The following LAMA5 variants were observed in gnomAD, a reference collection of about 807,000 sequenced individuals.
The protein encoded by LAMA5 is laminin subunit alpha-5.
A neutral mutation model predicts 433.4 loss-of-function variants in LAMA5; 260 were observed. That is an observed-to-expected ratio of 0.60 (90% CI 0.54 to 0.66). The LOEUF (loss-of-function observed/expected upper bound fraction) is 0.66, where lower values mean the gene tolerates loss of function less well. Ranked by LOEUF, LAMA5 falls within the 30% of genes least tolerant of loss-of-function variation. The pLI is 0.00. For missense variants in LAMA5, 5,378 were observed against 5,258.5 expected (o/e 1.02, Z -0.70); for synonymous variants, 2,620 against 2,226.6 (o/e 1.18, Z -4.97).
chr20:62,318,786 G>A lies in LAMA5; in HGVS notation c.7042+57C>T, dbSNP rs1236404874. The A allele has an allele frequency of 3.1e-6, 5 of 1,590,090 alleles. No homozygotes were observed. The African/African-American group carries it at 5.4e-5, about 17-fold the overall frequency. The stretch of plus-strand genomic sequence containing the variant: ...GCCACTCCATGCTGACCTCCCCCTT[G>A]GAGCTCCCAGGTCCCTGCCTCTCCC... On this transcript the variant is annotated intron_variant, in intron 52 of 79. Coordinates refer to ENST00000252999, the MANE Select transcript of LAMA5 (RefSeq NM_005560.6).
At chr20:62,321,713 C>CGG (rs1568918821) in intron 48 of LAMA5, among the ~76,000 whole-genome samples, 8 of 27,458 alleles carry the variant, frequency 2.9e-4, no homozygotes, top group African/African-American at 4.2e-4. Context: ...GCAGGGCCAG[C>CGG]AGAGGGGTGG....
At chr20:62,315,335 ACCC>A in intron 58 of LAMA5, 128 bp from the exon 59 acceptor site, 1 of 763,928 alleles carries the variant, frequency 1.3e-6, no homozygotes, top group Non-Finnish European at 2.1e-6. Flanking sequence ...AGACCCTCAC[ACCC>A]CGCTGCTCAG....
rs1232547940 is a variant in LAMA5, at chr20:62,362,529, C to T, written c.321G>A (p.Thr107=). 1.1e-5 allele frequency: 17 copies of T among 1,597,508 alleles called. No homozygotes were observed. Among genetic ancestry groups the T allele is most frequent in the South Asian group, 5.6e-5 (5 of 89,368 alleles). The change falls in exon 2 of 80, where the codon ACG becomes ACA. Residue 107 remains threonine (T), a synonymous_variant. Coordinates refer to ENST00000252999, the MANE Select transcript of LAMA5 (RefSeq NM_005560.6). Reference sequence around the variant, plus strand: ...GGTGTGCCTTGTTGCTGTTGGCAGCCGTGCAGATGTCACAGTACTGGCCCT... The same window carrying T: ...GGTGTGCCTTGTTGCTGTTGGCAGCTGTGCAGATGTCACAGTACTGGCCCT... The part of the protein sequence containing the change: ...TIRGQYCDIC[T]AANSNKAHPA...
chr20:62,350,169 CCCCGGCTCCCGCG>C (rs1984076595), intron 6 of LAMA5, among the ~76,000 whole-genome samples: 1 of 151,916 alleles, frequency 6.6e-6, no homozygotes, highest in Non-Finnish European at 1.5e-5. Flanking sequence ...CCAAGGCAAG[CCCCGGCTCCCGCG>C]CCCTTCCTCT....
At position 62,359,902 on chromosome 20, in the gene LAMA5, G is replaced by A. The variant is rs1985775219; in HGVS notation, c.450+2498C>T. On this transcript the variant is annotated intron_variant, in intron 2 of 79. Coordinates refer to ENST00000252999, the MANE Select transcript of LAMA5 (RefSeq NM_005560.6). The surrounding 1 kb of genome is among the most constrained non-coding windows in gnomAD (Gnocchi z 4.3). ...CACCCCGCCCTCCTCAGCCTTCCAG[G>A]AGCAGGAAGCCTTCCCGATGCCCAG... 6.6e-6 allele frequency among the ~76,000 whole-genome samples: 1 copy of A among 152,012 alleles called. No individual in the cohort carries two copies. The highest frequency in any genetic ancestry group is 6.5e-5 in the Admixed American group (1 of 15,284).
chr20:62,310,353 T>C (rs1601265734), intron 76 of LAMA5, 42 bp from the exon 77 acceptor site: 1 of 1,570,540 alleles, frequency 6.4e-7, no homozygotes. Flanking sequence ...GGGGGGCCCC[T>C]CCCCAGAACC....
rs1450969325 is a variant in LAMA5, at chr20:62,317,733, T to G, written c.7285A>C (p.Thr2429Pro). The part of the protein sequence containing the change: ...LSRDNATLQA[T>P]LHAARDTLAS... Reference sequence around the variant, plus strand: ...AGGGTGTCCCTAGCCGCATGCAGAGTGGCCTGCAGGGTGGCATTGTCCCGG... The same window carrying G: ...AGGGTGTCCCTAGCCGCATGCAGAGGGGCCTGCAGGGTGGCATTGTCCCGG... The change falls in exon 54 of 80, where the codon ACT becomes CCT. Residue 2429 changes from threonine (T) to proline (P), a missense_variant. Coordinates refer to ENST00000252999, the MANE Select transcript of LAMA5 (RefSeq NM_005560.6). 4.4e-6 allele frequency: 7 copies of G among 1,606,784 alleles called. No homozygotes were observed. The highest frequency in any genetic ancestry group is 5.1e-6 in the Non-Finnish European group (6 of 1,177,616).
rs138911913 is a variant in LAMA5 at position 62,323,835 on chromosome 20, C to T, written c.5790G>A (p.Leu1930=). ...AGAGGCACTGGGTGCGGCCGCCTCG[C>T]AGGACACAGCCCTCGGCGAAGCTGC... is the stretch of plus-strand genomic sequence containing the variant. The part of the protein sequence containing the change: ...PSNNFAEGCV[L]RGGRTQCLCK... Residue 1930 remains leucine (L), a synonymous_variant, in exon 44 of 80, where the codon CTG becomes CTA. Coordinates refer to ENST00000252999, the MANE Select transcript of LAMA5 (RefSeq NM_005560.6). 6,514 of 1,609,406 alleles carry T rather than the reference C, an allele frequency of 4.0e-3. 9 individuals are homozygous for T. The highest frequency in any genetic ancestry group is 5.0e-3 in the Non-Finnish European group (5,871 of 1,178,372).
Position 62,346,918 on chromosome 20 carries a change from C to T in LAMA5, c.1067G>A (p.Cys356Tyr). 2 of 1,612,902 alleles carry T rather than the reference C, an allele frequency of 1.2e-6. No individual in the cohort carries two copies. The highest frequency in any genetic ancestry group is 1.7e-6 in the Non-Finnish European group (2 of 1,179,850). ...KPATANSANE[C>Y]QSCNCYGHAT... ...GTGTGGGAGGAGGCACTCACACTGG[C>T]ACTCGTTGGCACTGTTGGCAGTCGC... is the stretch of plus-strand genomic sequence containing the variant. Residue 356 changes from cysteine (C) to tyrosine (Y), a missense_variant, in exon 7 of 80, where the codon TGC (cysteine) becomes TAC (tyrosine). Physicochemically the swap from Cys to Tyr is radical, Grantham distance 194. Coordinates refer to ENST00000252999, the MANE Select transcript of LAMA5 (RefSeq NM_005560.6).
rs1428696557 is a variant in LAMA5 at position 62,346,094 on chromosome 20, G to A, written c.1404C>T (p.Phe468=). 6 of 1,612,980 alleles carry A rather than the reference G, an allele frequency of 3.7e-6. No individual in the cohort carries two copies. The East Asian group carries it at 8.9e-5, about 24-fold the overall frequency. Residue 468 remains phenylalanine (F), a synonymous_variant, in exon 10 of 80, where the codon TTC becomes TTT. Transcript: ENST00000252999. ...GCAGGTGCTCACGGTAGCAGCTTGG[G>A]AAGCCCGTGAAGCCCTCGGCACACA... is the stretch of plus-strand genomic sequence containing the variant. ...CDVCAEGFTG[F]PSCYPTPSSS... is the part of the protein sequence containing the mutation.
Position 62,309,826 on chromosome 20 carries a change from CTT to C in LAMA5, c.10836_10837del (p.Ser3613ArgfsTer37). ...CACCTCCAGCCGGAGCACATTCCCGCTTTTCATCACTGGGAGAAAGGGGGACT... is the reference window on the plus strand; with the variant it reads ...CACCTCCAGCCGGAGCACATTCCCGCTTCATCACTGGGAGAAAGGGGGACT... On this transcript the variant is annotated frameshift_variant, in exon 79 of 80. Transcript: ENST00000252999. LOFTEE classifies it high-confidence loss of function. The C allele has an allele frequency of 6.2e-7, 1 of 1,611,680 alleles. No homozygotes were observed. Among genetic ancestry groups the C allele is most frequent in the Non-Finnish European group, 8.5e-7 (1 of 1,179,626 alleles).
chr20:62,357,284 A>C (rs1344149554), intron 2 of LAMA5, among the ~76,000 whole-genome samples: 2 of 152,156 alleles, frequency 1.3e-5, no homozygotes, highest in Non-Finnish European at 2.9e-5. Context: ...GCCCTGCAGG[A>C]AGAAGGGCGT....
chr20:62,309,480 G>A lies in LAMA5; in HGVS notation c.10949-5C>T. 6.4e-7 allele frequency: 1 copy of A among 1,574,164 alleles called. No homozygotes were observed. The highest frequency in any genetic ancestry group is 8.6e-7 in the Non-Finnish European group (1 of 1,168,708). Reference sequence around the variant, plus strand: ...AGGGCTGCACGGCCATGGGCTCTGGGGGCACAGGGAAGATGGAAGAAGGCT... The same window carrying A: ...AGGGCTGCACGGCCATGGGCTCTGGAGGCACAGGGAAGATGGAAGAAGGCT... On this transcript the variant is annotated splice_region_variant and splice_polypyrimidine_tract_variant and intron_variant, in intron 79 of 79. Transcript: ENST00000252999.
chr20:62,311,839 TCA>T, intron 70 of LAMA5, 55 bp from the exon 71 acceptor site: 2 of 263,096 alleles, frequency 7.6e-6, no homozygotes. Context: ...CACCCCCACC[TCA>T]GAGGAGACAG....
intron 57 of LAMA5, chr20:62,316,455 G>A (rs904555668): frequency 3.2e-5 from 17 of 523,346 alleles, no homozygotes; most frequent in Non-Finnish European, 5.8e-5. Flanking sequence ...GTGGCAGCCA[G>A]TGCCTCGCAG....
At chr20:62,349,340 A>G (rs564931047) in intron 6 of LAMA5, among the ~76,000 whole-genome samples, 487 of 151,490 alleles carry the variant, frequency 3.2e-3, no homozygotes, top group Non-Finnish European at 5.4e-3. Flanking sequence ...AACACATCAC[A>G]ATAAATCTGC....
intron 16 of LAMA5, among the ~76,000 whole-genome samples, chr20:62,337,357 T>C (rs1026894696): frequency 3.3e-5 from 5 of 151,876 alleles, no homozygotes; most frequent in African/African-American, 1.2e-4. Context: ...ACGCAACACA[T>C]GCACCCATAC....
At chr20:62,328,633 TC>T (rs1428673791) in intron 34 of LAMA5, among the ~76,000 whole-genome samples, 188 bp from the exon 35 acceptor site, 28 of 152,174 alleles carry the variant, frequency 1.8e-4, no homozygotes, top group African/African-American at 6.0e-4. Flanking sequence ...ATCAACATCA[TC>T]GTCAGAGACT....
In LAMA5 at chr20:62,324,099, G is replaced by C; in HGVS notation, c.5749C>G (p.Leu1917Val). 1.3e-6 allele frequency: 2 copies of C among 1,518,966 alleles called. No homozygotes were observed. The highest frequency in any genetic ancestry group is 1.8e-6 in the Non-Finnish European group (2 of 1,135,770). The allele number at this position is 1,518,966 out of a possible 1,614,324, so 94.1% of individuals were successfully genotyped here. A position where few individuals can be genotyped will look rare whatever the true frequency, so the allele number is the denominator to read the frequency against. Residue 1917 changes from leucine (L) to valine (V), a missense_variant, in exon 43 of 80, where the codon CTC becomes GTC. Coordinates refer to ENST00000252999, the MANE Select transcript of LAMA5 (RefSeq NM_005560.6). This position sits in a 1 kb window ranked among gnomAD's most constrained non-coding sequence, Gnocchi z 4.4. Reference protein sequence around the residue: ...SAPCVSCPCPLSVPSNNFAEG... With the variant: ...SAPCVSCPCPVSVPSNNFAEG... ...GCTTACTTGTTGGAAGGCACTGAGA[G>C]GGGGCAGGGGCAGCTGACACAGGGG...
Sources: allele counts gnomAD v4.1 joint callset (sites outside exome capture counted in the v4.1 genomes callset), GRCh38; gene constraint gnomAD v4.1.1; non-coding constraint Gnocchi (gnomAD v3.1); transcripts MANE v1.5; gene names NCBI Gene and HGNC (gene_info 2026-07-23, HGNC 2026-07-21).